The following PHTF1 variants were observed in gnomAD, a reference collection of about 807,000 sequenced individuals.
The protein encoded by PHTF1 is putative homeodomain transcription factor 1.
A neutral mutation model predicts 102.4 loss-of-function variants in PHTF1; 88 were observed. The ratio of observed to expected loss-of-function variants is 0.86; its 90% confidence interval spans 0.72 to 1.03. The LOEUF (loss-of-function observed/expected upper bound fraction) is 1.03. Among genes scored for constraint, PHTF1 ranks in the 50% least tolerant of loss-of-function variants. The probability of loss-of-function intolerance (pLI) is 0.00; values close to 1 mark genes in which losing one functional copy is unlikely to be tolerated. For synonymous variants in PHTF1, 289 were observed against 305.2 expected (o/e 0.95, Z 0.55); for missense variants, 814 against 909.5 (o/e 0.89, Z 1.35).
intron 3 of PHTF1, among the ~76,000 whole-genome samples, chr1:113,757,030 G>A (rs957091064): frequency 6.6e-6 from 1 of 152,142 alleles, no homozygotes; most frequent in Non-Finnish European, 1.5e-5. Context: ...AGCCGGGCGT[G>A]GTGGTGGGCG....
In PHTF1 at chr1:113,745,323, A is replaced by C. The variant is rs574773599; in HGVS notation, c.103-6524T>G. Among the ~76,000 whole-genome samples the C allele has an allele frequency of 2.0e-5, 3 of 152,340 alleles. No homozygotes were observed. In the South Asian group the frequency reaches 6.2e-4, roughly 32 times the overall value. On this transcript the variant is annotated intron_variant, in intron 3 of 18. Coordinates refer to ENST00000369604, the MANE Select transcript of PHTF1 (RefSeq NM_001323043.2). ...AATTTGTGTTAAAACAGAAACCAAA[A>C]AACAACAACCTGGCTCTGCTATAAA...
At chr1:113,738,877 G>T in intron 3 of PHTF1, 78 bp from the exon 4 acceptor site, 1 of 1,045,488 alleles carries the variant, frequency 9.6e-7, no homozygotes, top group Non-Finnish European at 1.4e-6. Flanking sequence ...TTGAGACACA[G>T]TTTCGCTCTT....
At chr1:113,721,396 G>A (rs542461748) in intron 7 of PHTF1, among the ~76,000 whole-genome samples, 108 of 152,232 alleles carry the variant, frequency 7.1e-4, no homozygotes, top group Non-Finnish European at 1.2e-3. Flanking sequence ...CCCACAGCTG[G>A]TATCATACTG....
chr1:113,720,693 A>G (rs1054632593), intron 7 of PHTF1, among the ~76,000 whole-genome samples: 3 of 152,108 alleles, frequency 2.0e-5, no homozygotes, highest in Non-Finnish European at 2.9e-5. Flanking sequence ...TGGATCTACC[A>G]TTCTGGGGTC....
At position 113,700,800 on chromosome 1, in the gene PHTF1, T is replaced by C; in HGVS notation, c.2040A>G (p.Thr680=). Residue 680 remains threonine (T), a synonymous_variant, in exon 16 of 19, where the codon ACA becomes ACG. Coordinates refer to ENST00000369604, the MANE Select transcript of PHTF1 (RefSeq NM_001323043.2). Reference sequence around the variant, plus strand: ...TGACAGGACTGATCAATACCTGTTCTGTAAGTAATATTGAAACATTGCTGT... The same window carrying C: ...TGACAGGACTGATCAATACCTGTTCCGTAAGTAATATTGAAACATTGCTGT... ...KKYSNVSILL[T]EQINLYLKME... 1 of 1,613,840 alleles carries C rather than the reference T, an allele frequency of 6.2e-7. No individual in the cohort carries two copies. Among genetic ancestry groups the C allele is most frequent in the Non-Finnish European group, 8.5e-7 (1 of 1,179,780 alleles).
At chr1:113,740,688 G>T (rs972126547) in intron 3 of PHTF1, among the ~76,000 whole-genome samples, 1 of 152,082 alleles carries the variant, frequency 6.6e-6, no homozygotes, top group African/African-American at 2.4e-5. Flanking sequence ...GCAGTTTCAG[G>T]TCTTACATTT....
At chr1:113,703,787 A>C (rs1487883328) in intron 15 of PHTF1, 6 of 317,870 alleles carry the variant, frequency 1.9e-5, no homozygotes, top group Non-Finnish European at 3.5e-5. Context: ...ATAACTAATA[A>C]ATACAGAAGG....
At chr1:113,716,565 G>C (rs1652071775) in intron 7 of PHTF1, among the ~76,000 whole-genome samples, 1 of 151,870 alleles carries the variant, frequency 6.6e-6, no homozygotes, top group African/African-American at 2.4e-5. Context: ...GCCCAGGTTG[G>C]TCTTGAACTT....
At chr1:113,699,122 G>C (rs761681258) in intron 17 of PHTF1, 24 of 163,042 alleles carry the variant, frequency 1.5e-4, no homozygotes, top group Admixed American at 4.5e-4. Context: ...ATCAGCAGCA[G>C]GTTCCTGGGC....
intron 6 of PHTF1, among the ~76,000 whole-genome samples, chr1:113,725,151 T>A (rs1316176086): frequency 6.6e-6 from 1 of 151,980 alleles, no homozygotes; most frequent in Non-Finnish European, 1.5e-5. Flanking sequence ...AAAAAAAAAA[T>A]TTCTACTTGT....
At chr1:113,726,631 C>CT in intron 5 of PHTF1, 57 bp from the exon 6 acceptor site, 1 of 1,071,114 alleles carries the variant, frequency 9.3e-7, no homozygotes, top group Non-Finnish European at 1.3e-6. Flanking sequence ...AAAATTAATT[C>CT]TAAAAACTAT....
At chr1:113,715,282 C>G (rs552711601) in intron 7 of PHTF1, 3 of 152,264 alleles carry the variant, frequency 2.0e-5, no homozygotes, top group Non-Finnish European at 2.9e-5. Flanking sequence ...AAAACATGAC[C>G]TCACCAATAT....
intron 18 of PHTF1, 107 bp from the exon 19 acceptor site, chr1:113,697,832 A>AT: frequency 1.3e-6 from 1 of 758,810 alleles, no homozygotes; most frequent in East Asian, 2.6e-5. Context: ...AAAGAAGAAA[A>AT]TGTATCAAGT....
intron 7 of PHTF1, among the ~76,000 whole-genome samples, chr1:113,719,541 C>G (rs1411948561): frequency 6.6e-6 from 1 of 152,168 alleles, no homozygotes; most frequent in Non-Finnish European, 1.5e-5. Context: ...ACAAGAGTCA[C>G]CTTTGCTTCA....
chr1:113,722,612 C>T (rs969265605), intron 7 of PHTF1, among the ~76,000 whole-genome samples: 8 of 151,742 alleles, frequency 5.3e-5, no homozygotes, highest in Non-Finnish European at 1.2e-4. Context: ...AAAAACAATC[C>T]TAAAATTTAC....
At chr1:113,724,007 G>A (rs994569625) in intron 7 of PHTF1, among the ~76,000 whole-genome samples, 4 of 152,096 alleles carry the variant, frequency 2.6e-5, no homozygotes, top group Non-Finnish European at 5.9e-5. Context: ...ATGGTAAACA[G>A]GTATGTGAAA....
chr1:113,751,845 G>C (rs2101700426), intron 3 of PHTF1, among the ~76,000 whole-genome samples: 1 of 152,316 alleles, frequency 6.6e-6, no homozygotes, highest in Non-Finnish European at 1.5e-5. Context: ...GTGTAGAAGA[G>C]TAGAAGAGTT....
rs751829360 is a variant in PHTF1 at position 113,726,415 on chromosome 1, T to C, written c.488+3A>G. The C allele has an allele frequency of 3.8e-6, 6 of 1,598,304 alleles. No homozygotes were observed. The South Asian group carries it at 5.6e-5, about 15-fold the overall frequency. On this transcript the variant is annotated splice_donor_region_variant and intron_variant, in intron 6 of 18. Coordinates refer to ENST00000369604, the MANE Select transcript of PHTF1 (RefSeq NM_001323043.2). The stretch of plus-strand genomic sequence containing the variant: ...ACAACTACAGTGTAATTTCTCATCT[T>C]ACCTTCTTCTTCGATTTCCATTGTT...
At chr1:113,701,225 C>A (rs753103765) in intron 15 of PHTF1, among the ~76,000 whole-genome samples, 1 of 152,186 alleles carries the variant, frequency 6.6e-6, no homozygotes, top group Non-Finnish European at 1.5e-5. Flanking sequence ...GCTACTTTAA[C>A]TATCAGTGTG....
Sources: allele counts gnomAD v4.1 joint callset (sites outside exome capture counted in the v4.1 genomes callset), GRCh38; gene constraint gnomAD v4.1.1; transcripts MANE v1.5; gene names NCBI Gene and HGNC (gene_info 2026-07-23, HGNC 2026-07-21).